The following APP variants were observed in gnomAD, a reference collection of about 807,000 sequenced individuals.
APP encodes amyloid beta precursor protein, also known as amyloid-beta precursor protein.
APP carries 31 observed loss-of-function variants against 101.4 expected under a neutral mutation model. The ratio of observed to expected loss-of-function variants is 0.31; its 90% CI spans 0.23 to 0.41. The LOEUF is 0.41. Among genes scored for constraint, APP ranks in the 10% least tolerant of loss-of-function variants. The pLI is 1.00. For synonymous variants in APP, 366 were observed against 364.4 expected (o/e 1.00, Z -0.05); for missense variants, 839 against 1,003.7 (o/e 0.84, Z 2.22).
intron 14 of APP, among the ~76,000 whole-genome samples, chr21:25,911,437 A>G (rs769479126): frequency 9.9e-5 from 15 of 152,204 alleles, no homozygotes; most frequent in Non-Finnish European, 1.6e-4. Context: ...TGTTATGTAA[A>G]TCATTACCAT....
chr21:26,099,350 A>G (rs1601456589), intron 2 of APP, among the ~76,000 whole-genome samples: 1 of 152,316 alleles, frequency 6.6e-6, no homozygotes, highest in South Asian at 2.1e-4. Flanking sequence ...AACATATCCA[A>G]GAAGAAAGTA....
In APP at chr21:26,056,886, T is replaced by A. The variant is rs369721046; in HGVS notation, c.356-3538A>T. 5.1e-4 allele frequency among the ~76,000 whole-genome samples: 78 copies of A among 152,342 alleles called. 1 individual carries two copies. The South Asian group carries it at 0.015, about 28-fold the overall frequency. Reference sequence around the variant, plus strand: ...AAATTTGATGAAACATGTTAGAAGGTTACACATCAGAAATTGTAAGCGATT... The same window carrying A: ...AAATTTGATGAAACATGTTAGAAGGATACACATCAGAAATTGTAAGCGATT... On this transcript the variant is annotated intron_variant, in intron 3 of 17. Transcript: ENST00000346798.
chr21:25,890,396 G>C (rs529478094), intron 17 of APP, among the ~76,000 whole-genome samples: 1 of 152,202 alleles, frequency 6.6e-6, no homozygotes, highest in Non-Finnish European at 1.5e-5. Flanking sequence ...TTTCCTTGGG[G>C]ATAGTGGAAT....
At chr21:25,953,403 AT>A (rs1473570935) in intron 13 of APP, among the ~76,000 whole-genome samples, 2 of 400 alleles carry the variant, frequency 5.0e-3, no homozygotes, top group Non-Finnish European at 0.013. Context: ...CTGGCATAAA[AT>A]GGGAAAAAGT....
rs573240594 is a variant in APP at position 25,994,890 on chromosome 21, T to C, written c.1090+2470A>G. The stretch of plus-strand genomic sequence containing the variant: ...ACAGGCTATAAATAACTAGAAATTA[T>C]ATGTTTTTTTCCTTGTCTGTTTGTA... On this transcript the variant is annotated intron_variant, in intron 8 of 17. Coordinates refer to ENST00000346798, the MANE Select transcript of APP (RefSeq NM_000484.4). 1.6e-4 allele frequency among the ~76,000 whole-genome samples: 24 copies of C among 152,188 alleles called. No individual in the cohort carries two copies. The South Asian group carries it at 4.8e-3, about 30-fold the overall frequency.
intron 1 of APP, among the ~76,000 whole-genome samples, chr21:26,150,250 G>A (rs2063236398): frequency 2.0e-5 from 3 of 152,170 alleles, no homozygotes; most frequent in East Asian, 1.9e-4. Context: ...AGTGTGGTAA[G>A]GTAAATATAT....
intron 6 of APP, among the ~76,000 whole-genome samples, chr21:26,012,526 A>G (rs970136443): frequency 1.3e-5 from 2 of 152,204 alleles, no homozygotes; most frequent in Admixed American, 1.3e-4. Context: ...CAAAATGGTT[A>G]AAGGCTGAGA....
At chr21:25,921,549 C>T (rs909189809) in intron 13 of APP, among the ~76,000 whole-genome samples, 4 of 147,368 alleles carry the variant, frequency 2.7e-5, no homozygotes, top group Non-Finnish European at 4.5e-5. Flanking sequence ...GGGATATCAC[C>T]ACCGATCCCA....
At chr21:25,913,107 T>C (rs943500172) in intron 13 of APP, among the ~76,000 whole-genome samples, 1 of 152,270 alleles carries the variant, frequency 6.6e-6, no homozygotes, top group African/African-American at 2.4e-5. Flanking sequence ...GGATTTAAAT[T>C]TGATTTGTAA....
chr21:25,888,720 A>G (rs1421031848), intron 17 of APP, among the ~76,000 whole-genome samples: 1 of 152,208 alleles, frequency 6.6e-6, no homozygotes, highest in Non-Finnish European at 1.5e-5. Flanking sequence ...TCAAAGTGTC[A>G]ACTTCTCCTC....
chr21:26,102,354 G>T (rs2062081297), intron 2 of APP, among the ~76,000 whole-genome samples: 1 of 152,038 alleles, frequency 6.6e-6, no homozygotes, highest in African/African-American at 2.4e-5. Context: ...CTCCCAAAGT[G>T]CTGGGATTAC....
chr21:25,912,297 T>C (rs2039116803), intron 13 of APP, among the ~76,000 whole-genome samples: 3 of 152,150 alleles, frequency 2.0e-5, no homozygotes, highest in Non-Finnish European at 4.4e-5. Context: ...CCTGACACAG[T>C]TAGACGTCCC....
chr21:25,986,625 G>C (rs1183548576), intron 8 of APP, among the ~76,000 whole-genome samples: 1 of 151,578 alleles, frequency 6.6e-6, no homozygotes, highest in Non-Finnish European at 1.5e-5. Context: ...GCTTGAACCT[G>C]GGAGGCGGAG....
intron 8 of APP, among the ~76,000 whole-genome samples, chr21:25,986,013 G>A (rs2042622843): frequency 6.6e-6 from 1 of 152,202 alleles, no homozygotes; most frequent in African/African-American, 2.4e-5. Flanking sequence ...CAATTTTAAG[G>A]TGGAGTATGT....
At chr21:26,016,036 A>ATTT (rs758572910) in intron 6 of APP, among the ~76,000 whole-genome samples, 21 of 145,042 alleles carry the variant, frequency 1.4e-4, no homozygotes, top group African/African-American at 4.5e-4. Context: ...TCATTTTTCT[A>ATTT]TTTTTTTTTT....
At chr21:26,085,874 T>A (rs537668867) in intron 3 of APP, among the ~76,000 whole-genome samples, 1 of 152,354 alleles carries the variant, frequency 6.6e-6, no homozygotes, top group East Asian at 1.9e-4. Context: ...CTGATAAGAT[T>A]TCTGGTCATT....
rs141906881 is a variant in APP at position 26,089,901 on chromosome 21, C to T, written c.355+42G>A. 4.8e-4 allele frequency: 778 copies of T among 1,612,946 alleles called. 5 individuals carry two copies. The African/African-American group carries it at 8.9e-3, about 18-fold the overall frequency. On this transcript the variant is annotated intron_variant, in intron 3 of 17. Transcript: ENST00000346798. ...CATCCTCTTTTTCTTCCCTCAAGAC[C>T]AGGCCCCCAATCAACACCAGCCCCA...
intron 2 of APP, among the ~76,000 whole-genome samples, chr21:26,106,295 C>A (rs1194786593): frequency 1.3e-5 from 2 of 152,188 alleles, no homozygotes; most frequent in African/African-American, 4.8e-5. Flanking sequence ...TTTCTGTGTA[C>A]ATTTTTAAGA....
chr21:26,142,554 AG>A (rs1262678859), intron 1 of APP, among the ~76,000 whole-genome samples: 1 of 152,186 alleles, frequency 6.6e-6, no homozygotes, highest in Admixed American at 6.5e-5. Context: ...GGCTCGCCTG[AG>A]GCCAGGAGTT....
Sources: allele counts gnomAD v4.1 joint callset (sites outside exome capture counted in the v4.1 genomes callset), GRCh38; gene constraint gnomAD v4.1.1; transcripts MANE v1.5; gene names NCBI Gene and HGNC (gene_info 2026-07-23, HGNC 2026-07-21).